Variants in TPCN1 observed in about 807,000 individuals in gnomAD.
TPCN1 encodes the protein two pore channel protein 1.
In TPCN1, 52 loss-of-function variants were observed where a neutral mutation model predicts 108.8. The observed-to-expected ratio is 0.48, with a 90% CI of 0.38 to 0.60. The LOEUF is 0.60. Ranked by LOEUF, TPCN1 falls within the 20% of genes least tolerant of loss-of-function variation. TPCN1 has a pLI of 0.00. For synonymous variants in TPCN1, 446 were observed against 433.7 expected (o/e 1.03, Z -0.35); for missense variants, 806 against 1,072.8 (o/e 0.75, Z 3.47).
chr12:113,245,015 A>G (rs1341781718), intron 2 of TPCN1, among the ~76,000 whole-genome samples: 2 of 152,070 alleles, frequency 1.3e-5, no homozygotes, highest in Admixed American at 1.3e-4. Flanking sequence ...TGTAATCCCA[A>G]CACTTTGAGA....
chr12:113,265,189 G>A (rs894930895), intron 3 of TPCN1, among the ~76,000 whole-genome samples: 1 of 152,190 alleles, frequency 6.6e-6, no homozygotes, highest in South Asian at 2.1e-4. Flanking sequence ...CTTTTTTTCT[G>A]GTAATGTTCA....
chr12:113,279,388 TATA>T (rs1436913001), intron 14 of TPCN1, among the ~76,000 whole-genome samples: 21 of 31,648 alleles, frequency 6.6e-4, no homozygotes, highest in Admixed American at 9.0e-4. Context: ...TATATATATA[TATA>T]TTTTTTTTTT....
chr12:113,278,731 C>G (rs1168614876), intron 13 of TPCN1, 41 bp from the exon 14 acceptor site: 1 of 1,575,016 alleles, frequency 6.3e-7, no homozygotes, highest in Admixed American at 1.7e-5. Flanking sequence ...GCCCTGGTCC[C>G]TGGCCCTGAC....
chr12:113,289,838 G>T lies in TPCN1; in HGVS notation c.1797-290G>T, dbSNP rs1011999335. Among the ~76,000 whole-genome samples the T allele has an allele frequency of 5.3e-5, 8 of 152,192 alleles. No individual in the cohort carries two copies. Among genetic ancestry groups the T allele is most frequent in the African/African-American group, 1.9e-4 (8 of 41,452 alleles). ...GGCCCTTGCCTCTCCTCCCTCCCCT[G>T]CAAGCAACGGTGAGAGAGAAGGCCC... On this transcript the variant is annotated intron_variant, in intron 21 of 27. Coordinates refer to ENST00000335509, the MANE Select transcript of TPCN1 (RefSeq NM_017901.6). This position sits in a 1 kb window ranked among gnomAD's most constrained non-coding sequence, Gnocchi z 4.1.
At chr12:113,226,614 G>GTT (rs1267869396) in intron 1 of TPCN1, 114 bp from the exon 2 acceptor site, 2 of 897,264 alleles carry the variant, frequency 2.2e-6, no homozygotes, top group Non-Finnish European at 3.3e-6. Flanking sequence ...TACTTGAGTG[G>GTT]TTTTTATTCA....
intron 10 of TPCN1, among the ~76,000 whole-genome samples, chr12:113,274,478 T>A (rs976029216): frequency 1.3e-5 from 2 of 152,078 alleles, no homozygotes; most frequent in Non-Finnish European, 1.5e-5. Context: ...CTATATTGTT[T>A]AGGGATAATG....
intron 22 of TPCN1, among the ~76,000 whole-genome samples, chr12:113,290,455 C>A (rs1471263073): frequency 2.0e-5 from 3 of 152,220 alleles, no homozygotes; most frequent in Non-Finnish European, 4.4e-5. Context: ...TCCACTCTTT[C>A]CTGATATTTT....
chr12:113,280,288 CTG>C (rs1955843424), intron 15 of TPCN1, 93 bp downstream of exon 15: 1 of 1,000,152 alleles, frequency 1.0e-6, no homozygotes. Context: ...TCCTAGAGTC[CTG>C]TGTTTGACTT....
chr12:113,280,955 T>G (rs1955866706), intron 15 of TPCN1, among the ~76,000 whole-genome samples: 1 of 152,142 alleles, frequency 6.6e-6, no homozygotes, highest in South Asian at 2.1e-4. Flanking sequence ...CTGTTGTGCG[T>G]TCATGCTAAT....
intron 2 of TPCN1, chr12:113,244,334 C>T: frequency 1.0e-6 from 1 of 985,512 alleles, no homozygotes. Context: ...ACTGGGAGGG[C>T]TCTGTGCCAG....
In TPCN1 at chr12:113,268,275, C is replaced by T. The variant is rs1355836492; in HGVS notation, c.528+319C>T. The stretch of plus-strand genomic sequence containing the variant: ...CACACCCAGCTCTGCCCACTGCGCC[C>T]GGCTCACCTGTCCCTAGTGTTGCGC... On this transcript the variant is annotated intron_variant, in intron 5 of 27. Coordinates refer to ENST00000335509, the MANE Select transcript of TPCN1 (RefSeq NM_017901.6). This position sits in a 1 kb window ranked among gnomAD's most constrained non-coding sequence, Gnocchi z 7.3. Among the ~76,000 whole-genome samples the T allele has an allele frequency of 4.6e-5, 7 of 152,230 alleles. No individual in the cohort carries two copies. The highest frequency in any genetic ancestry group is 7.3e-5 in the Non-Finnish European group (5 of 68,034).
rs1956272430 is a variant in TPCN1, at chr12:113,291,658, C to G, written c.2009C>G (p.Thr670Ser). The change falls in exon 24 of 28, where the codon ACC (threonine) becomes AGC (serine). Residue 670 changes from threonine (T) to serine (S), a missense_variant. Coordinates refer to ENST00000335509, the MANE Select transcript of TPCN1 (RefSeq NM_017901.6). ...TSHWSRLYFM[T>S]FYIVTMVVMT... ...CACTGGAGCCGCCTCTACTTCATGA[C>G]CTTTTACATTGTGACCATGGTAGGT... is the stretch of plus-strand genomic sequence containing the variant. 1.2e-6 allele frequency: 2 copies of G among 1,613,816 alleles called. No homozygotes were observed. The highest frequency in any genetic ancestry group is 2.7e-5 in the African/African-American group (2 of 74,938).
intron 27 of TPCN1, among the ~76,000 whole-genome samples, chr12:113,293,717 C>G (rs12425388): frequency 0.14 from 21,971 of 152,226 alleles, 1,913 homozygotes; most frequent in African/African-American, 0.24. Flanking sequence ...GCAAGGATGT[C>G]CCTGTCCAAA....
Position 113,272,522 on chromosome 12 carries a change from C to A in TPCN1, c.749-136C>A. ...CAACAGAGCATGTGTTCTCAGGGTG[C>A]TGTGGTCCCCAGCAGTCCCTGCTGC... On this transcript the variant is annotated intron_variant, in intron 7 of 27. Coordinates refer to ENST00000335509, the MANE Select transcript of TPCN1 (RefSeq NM_017901.6). The surrounding 1 kb of genome is among the most constrained non-coding windows in gnomAD (Gnocchi z 4.1). 2.5e-6 allele frequency: 2 copies of A among 806,634 alleles called. No individual in the cohort carries two copies. The highest frequency in any genetic ancestry group is 2.2e-6 in the Non-Finnish European group (1 of 456,772). 50.0% of individuals were successfully genotyped at this position (806,634 alleles called of 1,614,324 possible).
chr12:113,235,210 G>C lies in TPCN1; in HGVS notation c.112+8246G>C, dbSNP rs1953838705. Among the ~76,000 whole-genome samples the C allele has an allele frequency of 2.0e-5, 3 of 152,176 alleles. No homozygotes were observed. In the South Asian group the frequency reaches 6.2e-4, roughly 32 times the overall value. ...TGGGGCTGGAGGGTGGAGGTGTCAA[G>C]CCAGGCCAGGCAAAGGGAGATTTGA... is the stretch of plus-strand genomic sequence containing the variant. On this transcript the variant is annotated intron_variant, in intron 2 of 27. Coordinates refer to ENST00000335509, the MANE Select transcript of TPCN1 (RefSeq NM_017901.6).
At chr12:113,277,655 A>T (rs547595761) in intron 12 of TPCN1, among the ~76,000 whole-genome samples, 10 of 152,306 alleles carry the variant, frequency 6.6e-5, no homozygotes, top group Admixed American at 1.3e-4. Flanking sequence ...GGATAGTCCC[A>T]TGTGAGCCAG....
At chr12:113,227,781 G>A (rs1450887564) in intron 2 of TPCN1, among the ~76,000 whole-genome samples, 2 of 152,152 alleles carry the variant, frequency 1.3e-5, no homozygotes, top group African/African-American at 2.4e-5. Flanking sequence ...AGATGTTTGG[G>A]GCCAAGGAGA....
In TPCN1 at chr12:113,221,552, T is replaced by A; in HGVS notation, c.-200T>A. ...CTGCAACAGCTTCGGGCTCGGGGTT[T>A]TGGCGGCGGCGCCGGCGGGCTAGGC... On this transcript the variant is annotated 5_prime_UTR_variant, in exon 1 of 28. In the 5' UTR this introduces an upstream ATG that the reference lacks. Transcript: ENST00000335509. 3.8e-6 allele frequency: 1 copy of A among 263,892 alleles called. No individual in the cohort carries two copies. 16.3% of individuals were successfully genotyped at this position (263,892 alleles called of 1,614,324 possible).
chr12:113,233,424 G>A (rs1373725400), intron 2 of TPCN1, among the ~76,000 whole-genome samples: 1 of 152,218 alleles, frequency 6.6e-6, no homozygotes, highest in African/African-American at 2.4e-5. Context: ...TGCCGCTGGG[G>A]GCATCAGGTT....
Sources: allele counts gnomAD v4.1 joint callset (sites outside exome capture counted in the v4.1 genomes callset), GRCh38; gene constraint gnomAD v4.1.1; non-coding constraint Gnocchi (gnomAD v3.1); transcripts MANE v1.5; gene names NCBI Gene and HGNC (gene_info 2026-07-23, HGNC 2026-07-21).